The following TAF4 variants were observed in gnomAD, a reference collection of about 807,000 sequenced individuals.
TAF4 encodes the protein transcription initiation factor TFIID subunit 4.
Under a neutral mutation model 90.3 loss-of-function variants are expected in TAF4, and 9 were observed. The ratio of observed to expected loss-of-function variants is 0.10; its 90% confidence interval spans 0.06 to 0.17. TAF4 has a LOEUF of 0.17. TAF4 is among the 10% of genes least tolerant of loss of function. The pLI is 1.00. For synonymous variants in TAF4, 818 were observed against 638.9 expected (o/e 1.28, Z -4.23); for missense variants, 1,351 against 1,370.7 (o/e 0.99, Z 0.23).
intron 13 of TAF4, among the ~76,000 whole-genome samples, chr20:61,997,911 T>G (rs1166423324): frequency 6.6e-6 from 1 of 152,244 alleles, no homozygotes; most frequent in Non-Finnish European, 1.5e-5. Flanking sequence ...CAGAGACTAA[T>G]GCCCCCCGCA....
In TAF4 at chr20:62,065,379, G is replaced by A. The variant is rs2056124201; in HGVS notation, c.432C>T (p.Ala144=). Residue 144 remains alanine (A), a synonymous_variant, in exon 1 of 15, where the codon GCC becomes GCT. Transcript: ENST00000252996. ...AGSCAPVPAA[A]AVAAGPEPAP... is the part of the protein sequence containing the mutation. ...CGGGCTCGGGCCCCGCGGCGACGGCGGCGGCGGCGGGCACCGGGGCGCAGG... is the reference window on the plus strand; with the variant it reads ...CGGGCTCGGGCCCCGCGGCGACGGCAGCGGCGGCGGGCACCGGGGCGCAGG... 1.0e-6 allele frequency: 1 copy of A among 971,294 alleles called. No homozygotes were observed. Among genetic ancestry groups the A allele is most frequent in the Non-Finnish European group, 1.2e-6 (1 of 822,410 alleles). The allele number at this position is 971,294 out of a possible 1,614,324, so 60.2% of individuals were successfully genotyped here. A position where few individuals can be genotyped will look rare whatever the true frequency, so the allele number is the denominator to read the frequency against.
intron 1 of TAF4, among the ~76,000 whole-genome samples, chr20:62,023,270 T>C (rs1023160705): frequency 2.0e-4 from 31 of 152,056 alleles, no homozygotes; most frequent in African/African-American, 7.0e-4. Flanking sequence ...GGTGAATCCC[T>C]GTCTCTACTA....
rs941557459 is a variant in TAF4, at chr20:61,976,417, AC to A, written c.3091-83del. On this transcript the variant is annotated intron_variant, in intron 14 of 14. Coordinates refer to ENST00000252996, the MANE Select transcript of TAF4 (RefSeq NM_003185.4). ...ATGAGCCTGTGTATCTGAGCCAAGT[AC>A]CCCGATTCCAGAGGAGGCCAGGCCT... The A allele has an allele frequency of 7.9e-6, 12 of 1,525,878 alleles. No homozygotes were observed. In the Admixed American group the frequency reaches 1.0e-4, roughly 13 times the overall value. The allele number at this position is 1,525,878 out of a possible 1,614,324, so 94.5% of individuals were successfully genotyped here.
intron 9 of TAF4, 125 bp from the exon 10 acceptor site, chr20:62,000,846 C>T: frequency 1.0e-6 from 1 of 964,980 alleles, no homozygotes; most frequent in South Asian, 1.6e-5. Flanking sequence ...CCTCTGTCCT[C>T]CCCGCACCTG....
intron 1 of TAF4, among the ~76,000 whole-genome samples, chr20:62,048,060 C>A (rs914033448): frequency 1.3e-5 from 2 of 152,262 alleles, no homozygotes; most frequent in Non-Finnish European, 2.9e-5. Flanking sequence ...AGTCACAATA[C>A]GGGGAAGGGT....
In TAF4 at chr20:62,059,609, C is replaced by T. The variant is rs150579762; in HGVS notation, c.1360+4842G>A. On this transcript the variant is annotated intron_variant, in intron 1 of 14. Transcript: ENST00000252996. Reference sequence around the variant, plus strand: ...ACAGAAGGGCCTGCAGCCAAAAGCCCCCTTTATTTAACTGCTTTATTGCTA... The same window carrying T: ...ACAGAAGGGCCTGCAGCCAAAAGCCTCCTTTATTTAACTGCTTTATTGCTA... Among the ~76,000 whole-genome samples the T allele has an allele frequency of 2.6e-5, 4 of 152,312 alleles. No homozygotes were observed. The East Asian group carries it at 7.7e-4, about 29-fold the overall frequency.
intron 1 of TAF4, among the ~76,000 whole-genome samples, chr20:62,027,593 G>A (rs566267983): frequency 6.6e-5 from 10 of 152,226 alleles, no homozygotes; most frequent in East Asian, 1.9e-4. Flanking sequence ...ACCTGTCTCC[G>A]TTTCTCCTGC....
At position 62,065,109 on chromosome 20, in the gene TAF4, G is replaced by A; in HGVS notation, c.702C>T (p.Pro234=). Residue 234 remains proline (P), a synonymous_variant, in exon 1 of 15, where the codon CCC becomes CCT. Coordinates refer to ENST00000252996, the MANE Select transcript of TAF4 (RefSeq NM_003185.4). ...AGGGGGGCGTCTGGATGACAGTGCC[G>A]GGGGCGGCGGGCTTGGGCAGCGGCA... is the stretch of plus-strand genomic sequence containing the variant. ...ALLPLPKPAA[P]GTVIQTPPFV... 9.0e-7 allele frequency: 1 copy of A among 1,114,754 alleles called. No homozygotes were observed. Among genetic ancestry groups the A allele is most frequent in the Non-Finnish European group, 1.1e-6 (1 of 897,388 alleles). 69.1% of individuals were successfully genotyped at this position (1,114,754 alleles called of 1,614,324 possible).
chr20:62,041,517 T>C (rs1341920657), intron 1 of TAF4, among the ~76,000 whole-genome samples: 1 of 151,810 alleles, frequency 6.6e-6, no homozygotes, highest in Non-Finnish European at 1.5e-5. Flanking sequence ...CAGTCCCAGC[T>C]ACTTGGGAGG....
At chr20:62,038,638 A>G (rs1448480776) in intron 1 of TAF4, among the ~76,000 whole-genome samples, 1 of 152,220 alleles carries the variant, frequency 6.6e-6, no homozygotes, top group African/African-American at 2.4e-5. Flanking sequence ...CCTGAGAAAA[A>G]TCCTGAAAGG....
At chr20:62,030,073 G>A (rs1039259693) in intron 1 of TAF4, among the ~76,000 whole-genome samples, 1 of 152,198 alleles carries the variant, frequency 6.6e-6, no homozygotes, top group African/African-American at 2.4e-5. Context: ...CACAATGCCA[G>A]CGCTGCGAGG....
At chr20:61,982,014 C>A (rs2055545824) in intron 14 of TAF4, among the ~76,000 whole-genome samples, 2 of 147,232 alleles carry the variant, frequency 1.4e-5, no homozygotes, top group Non-Finnish European at 3.0e-5. Context: ...CACACCCCAC[C>A]CGAGAGGAGA....
At chr20:62,001,992 A>G (rs1341039039) in intron 9 of TAF4, among the ~76,000 whole-genome samples, 1 of 152,168 alleles carries the variant, frequency 6.6e-6, no homozygotes, top group Non-Finnish European at 1.5e-5. Context: ...GGCAAGACCC[A>G]TGGTTATCCA....
rs1435302573 is a variant in TAF4, at chr20:62,064,724, C to T, written c.1087G>A (p.Ala363Thr). ...AAPPAAQTLA[A>T]SGPASTAASM... Reference sequence around the variant, plus strand: ...GCCGCCGTGCTGGCCGGGCCGCTGGCCGCCAGGGTCTGCGCCGCCGGGGGC... The same window carrying T: ...GCCGCCGTGCTGGCCGGGCCGCTGGTCGCCAGGGTCTGCGCCGCCGGGGGC... The change falls in exon 1 of 15, where the codon GCC becomes ACC. Residue 363 changes from alanine (A) to threonine (T), a missense_variant. By Grantham distance (58) the Ala-to-Thr change is moderately conservative (BLOSUM62 0). Around this residue, in one of 9 missense-constraint regions of TAF4, gnomAD observed 782 missense variants for 536.6 expected, o/e 1.46. Transcript: ENST00000252996. 8.2e-7 allele frequency: 1 copy of T among 1,223,100 alleles called. No homozygotes were observed. Among genetic ancestry groups the T allele is most frequent in the Non-Finnish European group, 1.0e-6 (1 of 984,248 alleles). 75.8% of individuals were successfully genotyped at this position (1,223,100 alleles called of 1,614,324 possible).
In TAF4 at chr20:62,065,321, C is replaced by T; in HGVS notation, c.490G>A (p.Ala164Thr). ...GGGCCGGCGCGGGCGGCCAGCGCGGCGGGGCCGGCGGGCTTGGCGGGGCCG... is the reference window on the plus strand; with the variant it reads ...GGGCCGGCGCGGGCGGCCAGCGCGGTGGGGCCGGCGGGCTTGGCGGGGCCG... ...PAGPAKPAGP[A>T]ALAARAGPGP... The change falls in exon 1 of 15, where the codon GCC (alanine) becomes ACC (threonine). Residue 164 changes from alanine (A) to threonine (T), a missense_variant. Transcript: ENST00000252996. The T allele has an allele frequency of 1.1e-6, 1 of 937,576 alleles. No homozygotes were observed. The highest frequency in any genetic ancestry group is 1.3e-6 in the Non-Finnish European group (1 of 797,450). The allele number at this position is 937,576 out of a possible 1,614,324, so 58.1% of individuals were successfully genotyped here.
chr20:62,029,916 A>G (rs1000375370), intron 1 of TAF4, among the ~76,000 whole-genome samples: 34 of 152,196 alleles, frequency 2.2e-4, no homozygotes, highest in Admixed American at 6.5e-5. Context: ...AAAAAAACAA[A>G]AAAAAGAATG....
chr20:62,059,978 G>A (rs988014165), intron 1 of TAF4, among the ~76,000 whole-genome samples: 2 of 152,268 alleles, frequency 1.3e-5, no homozygotes, highest in South Asian at 2.1e-4. Context: ...AGGCTTTGGA[G>A]GTAGAACAGG....
At chr20:62,012,793 G>T in intron 3 of TAF4, 22 bp downstream of exon 3, 1 of 1,602,556 alleles carries the variant, frequency 6.2e-7, no homozygotes, top group Non-Finnish European at 8.5e-7. Context: ...AGCCTCAAGA[G>T]ATCCGCCGCC....
intron 1 of TAF4, among the ~76,000 whole-genome samples, chr20:62,060,520 C>T (rs1462017044): frequency 1.3e-5 from 2 of 152,180 alleles, no homozygotes; most frequent in South Asian, 2.1e-4. Context: ...ATCCCGAAGG[C>T]GATGGTGACG....
Sources: allele counts gnomAD v4.1 joint callset (sites outside exome capture counted in the v4.1 genomes callset), GRCh38; gene constraint gnomAD v4.1.1; regional missense constraint gnomAD v4.1.1; transcripts MANE v1.5; gene names NCBI Gene and HGNC (gene_info 2026-07-23, HGNC 2026-07-21).